CCSER1: variants seen among roughly 807,000 people sequenced by gnomAD.
CCSER1 encodes the protein coiled-coil serine rich protein 1.
CCSER1 carries 41 observed loss-of-function variants against 82.0 expected under a neutral mutation model. The observed-to-expected ratio is 0.50, with a 90% confidence interval of 0.39 to 0.65. CCSER1 has a LOEUF of 0.65. CCSER1 is among the 30% of genes least tolerant of loss of function. The probability of loss-of-function intolerance (pLI) is 0.00; values close to 1 mark genes in which losing one functional copy is unlikely to be tolerated. For synonymous variants in CCSER1, 414 were observed against 383.9 expected (o/e 1.08, Z -0.92); for missense variants, 1,119 against 1,064.2 (o/e 1.05, Z -0.72).
chr4:91,526,093 C>T (rs1760749957), intron 10 of CCSER1, among the ~76,000 whole-genome samples: 1 of 152,058 alleles, frequency 6.6e-6, no homozygotes, highest in African/African-American at 2.4e-5. Context: ...TTCTTCTTTC[C>T]AAATCCAGGA....
rs539575927 is a variant in CCSER1 at position 90,845,379 on chromosome 4, AAG to A, written c.2094+29536_2094+29537del. On this transcript the variant is annotated intron_variant, in intron 8 of 10. Coordinates refer to ENST00000509176, the MANE Select transcript of CCSER1 (RefSeq NM_001145065.2). The stretch of plus-strand genomic sequence containing the variant: ...CCATCTAAAAAAAAAAAAAAAAAAA[AAG>A]AATATTTGTTGAGTGAATGAAATAG... 6.3e-3 allele frequency among the ~76,000 whole-genome samples: 955 copies of A among 151,328 alleles called. 7 individuals carry two copies. The highest frequency in any genetic ancestry group is 0.022 in the African/African-American group (895 of 40,978).
At chr4:90,913,407 G>A (rs191298277) in intron 8 of CCSER1, among the ~76,000 whole-genome samples, 10 of 152,168 alleles carry the variant, frequency 6.6e-5, no homozygotes, top group African/African-American at 1.4e-4. Flanking sequence ...CATAAGTGGA[G>A]GAGAAATAAA....
intron 9 of CCSER1, among the ~76,000 whole-genome samples, chr4:90,974,765 A>G (rs1277685096): frequency 6.6e-6 from 1 of 151,374 alleles, no homozygotes; most frequent in African/African-American, 2.4e-5. Flanking sequence ...TACTTCATTG[A>G]TATGATTATA....
At chr4:90,863,621 G>A (rs1037427026) in intron 8 of CCSER1, among the ~76,000 whole-genome samples, 2 of 151,048 alleles carry the variant, frequency 1.3e-5, no homozygotes, top group East Asian at 2.0e-4. Context: ...ATTTTTGTTA[G>A]ATATTTAATA....
intron 10 of CCSER1, among the ~76,000 whole-genome samples, chr4:91,374,781 A>AG (rs1273452656): frequency 6.6e-6 from 1 of 152,200 alleles, no homozygotes; most frequent in African/African-American, 2.4e-5. Context: ...GAATCTCTTG[A>AG]GGTCAGGAGT....
intron 8 of CCSER1, among the ~76,000 whole-genome samples, chr4:90,887,874 C>T: frequency 6.6e-6 from 1 of 151,776 alleles, no homozygotes; most frequent in Non-Finnish European, 1.5e-5. Context: ...GAGCAAGACT[C>T]CATCTCAAAA....
Position 90,988,401 on chromosome 4 carries a change from A to AT in CCSER1, c.2172+64962dup, listed in dbSNP as rs1023355256. On this transcript the variant is annotated intron_variant, in intron 9 of 10. Coordinates refer to ENST00000509176, the MANE Select transcript of CCSER1 (RefSeq NM_001145065.2). The stretch of plus-strand genomic sequence containing the variant: ...CAAGCTTAAATATCCTGGTCTTGAC[A>AT]TTTTTTTTGGTTCATATAACATAAT... Among the ~76,000 whole-genome samples, 81 of 145,848 alleles carry AT rather than the reference A, an allele frequency of 5.6e-4. 2 individuals are homozygous for AT. The highest frequency in any genetic ancestry group is 4.4e-4 in the South Asian group (2 of 4,562).
intron 8 of CCSER1, among the ~76,000 whole-genome samples, chr4:90,827,158 G>A (rs529581349): frequency 3.3e-5 from 5 of 152,208 alleles, no homozygotes; most frequent in Non-Finnish European, 7.3e-5. Context: ...GAATATCCGT[G>A]CAGTTTCTGG....
At chr4:90,974,315 TATCTCAAAACATTACATTGTATAC>T (rs1735400870) in intron 9 of CCSER1, among the ~76,000 whole-genome samples, 1 of 147,392 alleles carries the variant, frequency 6.8e-6, no homozygotes, top group African/African-American at 2.6e-5. Context: ...ATTGTATACA[TATCTCAAAACATTACATTGTATAC>T]ATATCTCAAA....
rs182119553 is a variant in CCSER1 at position 91,353,580 on chromosome 4, G to T, written c.2218-244992G>T. ...ACAACAATATAAAACAATATGAGAG[G>T]GTCTCTCTCTTTCCTCCTTTCCCCC... On this transcript the variant is annotated intron_variant, in intron 10 of 10. Transcript: ENST00000509176. Among the ~76,000 whole-genome samples, 608 of 151,930 alleles carry T rather than the reference G, an allele frequency of 4.0e-3. 1 individual carries two copies. Among genetic ancestry groups the T allele is most frequent in the Non-Finnish European group, 6.5e-3 (442 of 67,934 alleles).
intron 10 of CCSER1, among the ~76,000 whole-genome samples, chr4:91,248,804 C>T (rs1361720192): frequency 6.6e-6 from 1 of 151,834 alleles, no homozygotes; most frequent in Non-Finnish European, 1.5e-5. Context: ...ATTACAAATG[C>T]ACTATACAAA....
intron 5 of CCSER1, among the ~76,000 whole-genome samples, chr4:90,494,429 C>G (rs1768644499): frequency 6.6e-6 from 1 of 152,164 alleles, no homozygotes; most frequent in Non-Finnish European, 1.5e-5. Flanking sequence ...TAGACATCTA[C>G]AGAACTCTCC....
At chr4:90,698,700 T>G (rs928098668) in intron 6 of CCSER1, among the ~76,000 whole-genome samples, 3 of 152,170 alleles carry the variant, frequency 2.0e-5, no homozygotes, top group Non-Finnish European at 4.4e-5. Flanking sequence ...GTCTGACTTG[T>G]TAGAGGCTTG....
At chr4:90,316,626 T>A (rs958222272) in intron 3 of CCSER1, among the ~76,000 whole-genome samples, 1 of 152,218 alleles carries the variant, frequency 6.6e-6, no homozygotes, top group African/African-American at 2.4e-5. Context: ...CTCCTAACTT[T>A]TAATGTTAGC....
At chr4:90,460,863 C>T (rs1762807767) in intron 4 of CCSER1, among the ~76,000 whole-genome samples, 1 of 152,082 alleles carries the variant, frequency 6.6e-6, no homozygotes, top group African/African-American at 2.4e-5. Flanking sequence ...TAGATATAGA[C>T]TGTGACTATA....
At chr4:91,417,633 G>A (rs1753444677) in intron 10 of CCSER1, among the ~76,000 whole-genome samples, 1 of 151,810 alleles carries the variant, frequency 6.6e-6, no homozygotes, top group African/African-American at 2.4e-5. Flanking sequence ...TAAGTGGGAG[G>A]TGAATGATAA....
intron 5 of CCSER1, among the ~76,000 whole-genome samples, chr4:90,556,030 T>G: frequency 6.6e-6 from 1 of 152,084 alleles, no homozygotes; most frequent in East Asian, 1.9e-4. Flanking sequence ...AAATAAGGTA[T>G]AAACAACAAA....
intron 10 of CCSER1, among the ~76,000 whole-genome samples, chr4:91,413,895 A>C (rs974394661): frequency 1.3e-5 from 2 of 152,174 alleles, no homozygotes; most frequent in Non-Finnish European, 2.9e-5. Flanking sequence ...ATATATTAAA[A>C]TTGCTGAAAG....
chr4:91,043,820 T>G (rs192319391), intron 9 of CCSER1, among the ~76,000 whole-genome samples: 1 of 152,266 alleles, frequency 6.6e-6, no homozygotes, highest in Non-Finnish European at 1.5e-5. Context: ...ACCCCTGACC[T>G]CAGGTGATCT....
Sources: gnomAD v4.1 joint callset for allele counts (sites outside exome capture counted in the v4.1 genomes callset) on GRCh38, gnomAD v4.1.1 for gene constraint, MANE v1.5 for transcripts, NCBI Gene and HGNC (gene_info 2026-07-23, HGNC 2026-07-21) for gene names.